The following MICU1 variants were observed in gnomAD, a reference collection of about 807,000 sequenced individuals.
The protein encoded by MICU1 is mitochondrial calcium uptake 1.
Under a neutral mutation model 56.8 loss-of-function variants are expected in MICU1, and 45 were observed. The ratio of observed to expected loss-of-function variants is 0.79; its 90% CI spans 0.62 to 1.02. The LOEUF (loss-of-function observed/expected upper bound fraction) is 1.02, where lower values mean the gene tolerates loss of function less well. Among genes scored for constraint, MICU1 ranks in the 50% least tolerant of loss-of-function variants. The pLI is 0.00. For synonymous variants in MICU1, 186 were observed against 195.1 expected (o/e 0.95, Z 0.39); for missense variants, 504 against 587.1 (o/e 0.86, Z 1.46).
intron 5 of MICU1, among the ~76,000 whole-genome samples, chr10:72,526,756 C>G (rs1867973918): frequency 6.6e-6 from 1 of 151,960 alleles, no homozygotes; most frequent in Non-Finnish European, 1.5e-5. Context: ...TCCAAATTAT[C>G]TTAAATACTA....
At chr10:72,524,094 A>C (rs1252971420) in intron 5 of MICU1, 2 of 695,350 alleles carry the variant, frequency 2.9e-6, no homozygotes, top group African/African-American at 3.7e-5. Flanking sequence ...GTTACAGTTC[A>C]AGTAGGAACA....
intron 1 of MICU1, among the ~76,000 whole-genome samples, chr10:72,588,168 C>G (rs1351770410): frequency 1.3e-5 from 2 of 152,114 alleles, no homozygotes; most frequent in Non-Finnish European, 2.9e-5. Flanking sequence ...CCCCTCTTCT[C>G]TCTCTCCTGC....
At chr10:72,440,598 C>T (rs1410035950) in intron 8 of MICU1, among the ~76,000 whole-genome samples, 5 of 152,190 alleles carry the variant, frequency 3.3e-5, no homozygotes, top group Admixed American at 3.3e-4. Flanking sequence ...AAACTACCAT[C>T]AGAGTGAACA....
chr10:72,401,880 G>A (rs1334068577), intron 10 of MICU1, among the ~76,000 whole-genome samples: 2 of 152,068 alleles, frequency 1.3e-5, no homozygotes, highest in South Asian at 2.1e-4. Flanking sequence ...CCTGCCTCCT[G>A]TAGCCCCTGG....
intron 1 of MICU1, among the ~76,000 whole-genome samples, chr10:72,612,479 T>G (rs1841877352): frequency 6.6e-6 from 1 of 152,114 alleles, no homozygotes; most frequent in South Asian, 2.1e-4. Context: ...GCCAAGGCTT[T>G]GACAGTCAAA....
chr10:72,605,827 T>A (rs1461434064), intron 1 of MICU1, among the ~76,000 whole-genome samples: 2 of 152,180 alleles, frequency 1.3e-5, no homozygotes, highest in African/African-American at 4.8e-5. Context: ...TACTGTATAA[T>A]TTAAGTAATA....
At chr10:72,578,463 C>T (rs1840809951) in intron 1 of MICU1, among the ~76,000 whole-genome samples, 1 of 148,782 alleles carries the variant, frequency 6.7e-6, no homozygotes, top group Non-Finnish European at 1.5e-5. Context: ...TGGGGTTTCA[C>T]CATGTTGGCC....
intron 5 of MICU1, among the ~76,000 whole-genome samples, chr10:72,511,142 A>G (rs1048780797): frequency 6.6e-6 from 1 of 152,156 alleles, no homozygotes; most frequent in African/African-American, 2.4e-5. Context: ...CACCATTTTT[A>G]CCATTTAACC....
chr10:72,574,667 C>A (rs1840697092), intron 1 of MICU1, among the ~76,000 whole-genome samples: 1 of 151,756 alleles, frequency 6.6e-6, no homozygotes, highest in East Asian at 1.9e-4. Context: ...GGAAAATTAT[C>A]CCCAAATATG....
At position 72,367,660 on chromosome 10, in the gene MICU1, AAC is replaced by A. The variant is rs556667889; in HGVS notation, c.*533_*534del. ...AGGCCTTGGAGCCATCCCAGGGACT[AAC>A]ACAGATCCTTCCTGGGGCGCAGGCT... On this transcript the variant is annotated 3_prime_UTR_variant, in exon 12 of 12. Coordinates refer to ENST00000361114, the MANE Select transcript of MICU1 (RefSeq NM_001195518.2). The A allele has an allele frequency of 6.5e-6, 1 of 153,300 alleles. No individual in the cohort carries two copies. The highest frequency in any genetic ancestry group is 1.5e-5 in the Non-Finnish European group (1 of 68,738). 9.5% of individuals were successfully genotyped at this position (153,300 alleles called of 1,614,324 possible).
chr10:72,376,273 CA>C (rs35947688), intron 10 of MICU1, among the ~76,000 whole-genome samples: 36 of 137,820 alleles, frequency 2.6e-4, no homozygotes, highest in African/African-American at 2.9e-4. Flanking sequence ...GACTCCGTTT[CA>C]AAAAAAAAAA....
intron 8 of MICU1, among the ~76,000 whole-genome samples, chr10:72,452,683 T>C (rs191398690): frequency 2.6e-5 from 4 of 152,328 alleles, no homozygotes; most frequent in Non-Finnish European, 5.9e-5. Context: ...TTTGTGTAAG[T>C]TCACTCTATG....
chr10:72,481,183 T>C (rs1280827892), intron 6 of MICU1, among the ~76,000 whole-genome samples: 1 of 152,178 alleles, frequency 6.6e-6, no homozygotes, highest in Non-Finnish European at 1.5e-5. Flanking sequence ...TCAAAGCATA[T>C]GGGACAAACA....
intron 8 of MICU1, among the ~76,000 whole-genome samples, chr10:72,439,044 A>G (rs1189481281): frequency 6.6e-6 from 1 of 152,236 alleles, no homozygotes; most frequent in East Asian, 1.9e-4. Context: ...TCCCTAACTC[A>G]TTTTATAAGG....
Position 72,391,134 on chromosome 10 carries a change from C to A in MICU1, c.1181-15262G>T, listed in dbSNP as rs189346401. On this transcript the variant is annotated intron_variant, in intron 10 of 11. Transcript: ENST00000361114. The stretch of plus-strand genomic sequence containing the variant: ...CCCATGGATTCAACCAGCTGCAGAT[C>A]AAAAATATTTAAGAAAATGTCGGGT... Among the ~76,000 whole-genome samples, 7 of 114,352 alleles carry A rather than the reference C, an allele frequency of 6.1e-5. No homozygotes were observed. The East Asian group carries it at 1.4e-3, about 22-fold the overall frequency. The allele number at this position is 114,352 out of a possible 152,430, so 75.0% of individuals were successfully genotyped here.
chr10:72,493,159 AAAT>A (rs778555780), intron 6 of MICU1, among the ~76,000 whole-genome samples: 24 of 152,306 alleles, frequency 1.6e-4, no homozygotes, highest in Non-Finnish European at 3.1e-4. Context: ...CCATTTCAAA[AAAT>A]AATAAGATGT....
intron 5 of MICU1, among the ~76,000 whole-genome samples, chr10:72,518,121 C>A (rs907709015): frequency 3.3e-5 from 5 of 151,824 alleles, no homozygotes; most frequent in African/African-American, 1.2e-4. Context: ...CAACGTCTGC[C>A]TCCCAGGTTC....
intron 10 of MICU1, among the ~76,000 whole-genome samples, chr10:72,389,075 T>C (rs1189589712): frequency 6.6e-6 from 1 of 152,216 alleles, no homozygotes; most frequent in African/African-American, 2.4e-5. Flanking sequence ...AGAGTTGCTG[T>C]TAGTGTTCCA....
chr10:72,523,722 A>G (rs1867889305), intron 5 of MICU1: 1 of 967,600 alleles, frequency 1.0e-6, no homozygotes, highest in African/African-American at 1.7e-5. Context: ...TGTGAGAGTA[A>G]TATTTTAATG....
Sources: gnomAD v4.1 joint callset for allele counts (sites outside exome capture counted in the v4.1 genomes callset) on GRCh38, gnomAD v4.1.1 for gene constraint, MANE v1.5 for transcripts, NCBI Gene and HGNC (gene_info 2026-07-23, HGNC 2026-07-21) for gene names.